The following FAM124A variants were observed in gnomAD, a reference collection of about 807,000 sequenced individuals.
FAM124A encodes the protein protein FAM124A.
In FAM124A, 23 loss-of-function variants were observed where a neutral mutation model predicts 24.5. The observed-to-expected ratio is 0.94, with a 90% CI of 0.68 to 1.33. The LOEUF (loss-of-function observed/expected upper bound fraction) is 1.33, where lower values mean the gene tolerates loss of function less well. Among genes scored for constraint, FAM124A ranks in the 40% most tolerant of loss-of-function variants. The probability of loss-of-function intolerance (pLI) is 0.00; values close to 1 mark genes in which losing one functional copy is unlikely to be tolerated. For missense variants in FAM124A, 623 were observed against 722.8 expected (o/e 0.86, Z 1.58); for synonymous variants, 287 against 314.7 (o/e 0.91, Z 0.93).
At chr13:51,275,494 G>A (rs1387248816) in intron 3 of FAM124A, among the ~76,000 whole-genome samples, 2 of 152,206 alleles carry the variant, frequency 1.3e-5, no homozygotes, top group Non-Finnish European at 2.9e-5. Context: ...GAACAAAAAG[G>A]TAAGCCACAA....
In FAM124A at chr13:51,228,930, G is replaced by A. The variant is rs183511538; in HGVS notation, c.69-2418G>A. ...GTTTTGTAAAGGTGAACAACCAGGA[G>A]CGATCATTTAGCCAACAAAAGGGTT... is the stretch of plus-strand genomic sequence containing the variant. On this transcript the variant is annotated intron_variant, in intron 1 of 3. Coordinates refer to ENST00000322475, the MANE Select transcript of FAM124A (RefSeq NM_001242312.2). Among the ~76,000 whole-genome samples, 107 of 152,294 alleles carry A rather than the reference G, an allele frequency of 7.0e-4. 1 individual carries two copies. The highest frequency in any genetic ancestry group is 1.9e-4 in the East Asian group (1 of 5,190).
At chr13:51,259,049 A>C (rs192379049) in intron 3 of FAM124A, among the ~76,000 whole-genome samples, 1 of 152,138 alleles carries the variant, frequency 6.6e-6, no homozygotes, top group South Asian at 2.1e-4. Flanking sequence ...CTGGTGAGAC[A>C]CTAACTCAGG....
chr13:51,252,001 T>G lies in FAM124A; in HGVS notation c.634T>G (p.Ser212Ala). The stretch of plus-strand genomic sequence containing the variant: ...GGACTTCTGCATCTTCCCTATTTTT[T>G]CCAACCTGGATGTGGACATCCAGTT... ...KADFCIFPIF[S>A]NLDVDIQFSL... Residue 212 changes from serine to alanine, a missense_variant, in exon 3 of 4, where the codon TCC becomes GCC. Physicochemically the swap from Ser to Ala is moderately conservative, Grantham distance 99. Coordinates refer to ENST00000322475, the MANE Select transcript of FAM124A (RefSeq NM_001242312.2). The G allele has an allele frequency of 6.2e-7, 1 of 1,614,206 alleles. No individual in the cohort carries two copies. Among genetic ancestry groups the G allele is most frequent in the Non-Finnish European group, 8.5e-7 (1 of 1,180,038 alleles).
intron 2 of FAM124A, among the ~76,000 whole-genome samples, chr13:51,236,374 C>T (rs1391794350): frequency 6.6e-6 from 1 of 152,246 alleles, no homozygotes; most frequent in African/African-American, 2.4e-5. Flanking sequence ...ATAAATGCTG[C>T]CTTCTCCCTT....
chr13:51,257,845 C>T (rs1954691191), intron 3 of FAM124A, among the ~76,000 whole-genome samples: 2 of 152,216 alleles, frequency 1.3e-5, no homozygotes, highest in Admixed American at 6.5e-5. Flanking sequence ...TTCCCCAATC[C>T]TCAGCGCTCT....
chr13:51,239,342 G>T (rs1348315578), intron 2 of FAM124A, among the ~76,000 whole-genome samples: 1 of 152,184 alleles, frequency 6.6e-6, no homozygotes, highest in Admixed American at 6.5e-5. Context: ...GCCTTTGTAG[G>T]ATTTTTTTCT....
At chr13:51,246,745 G>C (rs760185801) in intron 2 of FAM124A, among the ~76,000 whole-genome samples, 2 of 152,220 alleles carry the variant, frequency 1.3e-5, no homozygotes, top group Non-Finnish European at 2.9e-5. Flanking sequence ...CTGCAGAGCT[G>C]TAAACATTCA....
intron 3 of FAM124A, among the ~76,000 whole-genome samples, chr13:51,275,444 T>C (rs1053753473): frequency 1.1e-4 from 16 of 152,064 alleles, no homozygotes; most frequent in Admixed American, 1.0e-3. Flanking sequence ...GATAAATGAC[T>C]TTAAAAAGAA....
chr13:51,222,725 C>G (rs1157749974), intron 1 of FAM124A, among the ~76,000 whole-genome samples, 156 bp downstream of exon 1: 1 of 152,106 alleles, frequency 6.6e-6, no homozygotes, highest in Non-Finnish European at 1.5e-5. Flanking sequence ...GCGGGCCGCG[C>G]TGCCCTGGGC....
intron 2 of FAM124A, among the ~76,000 whole-genome samples, chr13:51,233,822 AAAT>A (rs1249858624): frequency 1.3e-5 from 2 of 152,246 alleles, no homozygotes; most frequent in African/African-American, 4.8e-5. Context: ...TAGATTTTTA[AAAT>A]AATGTTTCCC....
At chr13:51,244,246 T>C (rs1015155967) in intron 2 of FAM124A, among the ~76,000 whole-genome samples, 1 of 152,150 alleles carries the variant, frequency 6.6e-6, no homozygotes. Context: ...TGAGCATGTG[T>C]GTGTTCAGTG....
chr13:51,264,022 G>A (rs1398343348), intron 3 of FAM124A, among the ~76,000 whole-genome samples: 3 of 152,090 alleles, frequency 2.0e-5, no homozygotes, highest in Non-Finnish European at 4.4e-5. Context: ...ACAGTAAATG[G>A]CCTTCCATTA....
chr13:51,250,572 A>G (rs2137675929), intron 2 of FAM124A, among the ~76,000 whole-genome samples: 1 of 152,332 alleles, frequency 6.6e-6, no homozygotes, highest in African/African-American at 2.4e-5. Context: ...CAACAGTTTC[A>G]GGTGTTCCGC....
rs1468080570 is a variant in FAM124A at position 51,272,468 on chromosome 13, G to C, written c.835-7982G>C. On this transcript the variant is annotated intron_variant, in intron 3 of 3. Coordinates refer to ENST00000322475, the MANE Select transcript of FAM124A (RefSeq NM_001242312.2). The surrounding 1 kb of genome is among the most constrained non-coding windows in gnomAD (Gnocchi z 4.2). ...CCTAGATGAGAGAGTGGAAAAATTGGTTTAGAAGTTTGTACAGAAAGCAAT... is the reference window on the plus strand; with the variant it reads ...CCTAGATGAGAGAGTGGAAAAATTGCTTTAGAAGTTTGTACAGAAAGCAAT... Among the ~76,000 whole-genome samples, 2 of 152,016 alleles carry C rather than the reference G, an allele frequency of 1.3e-5. No individual in the cohort carries two copies. Among genetic ancestry groups the C allele is most frequent in the Admixed American group, 1.3e-4 (2 of 15,262 alleles).
rs1446094414 is a variant in FAM124A at position 51,281,060 on chromosome 13, T to C, written c.1445T>C (p.Phe482Ser). 3 of 1,613,986 alleles carry C rather than the reference T, an allele frequency of 1.9e-6. No homozygotes were observed. The South Asian group carries it at 3.3e-5, about 18-fold the overall frequency. Residue 482 changes from phenylalanine (F) to serine (S), a missense_variant, in exon 4 of 4, where the codon TTC (phenylalanine) becomes TCC (serine). By Grantham distance (155) the Phe-to-Ser change is radical. Coordinates refer to ENST00000322475, the MANE Select transcript of FAM124A (RefSeq NM_001242312.2). ...GAGGCCTCCTGGGCTTCCCTCCCTT[T>C]CTTCACCAAAAGGTCTTCCAGCTCC... The part of the protein sequence containing the change: ...TTEASWASLP[F>S]FTKRSSSSSA...
At chr13:51,227,121 A>C (rs1954322650) in intron 1 of FAM124A, 1 of 152,246 alleles carries the variant, frequency 6.6e-6, no homozygotes, top group Non-Finnish European at 1.5e-5. Context: ...ACTCAAGACC[A>C]TATGTTTTTC....
chr13:51,232,441 C>T (rs1029093932), intron 2 of FAM124A, among the ~76,000 whole-genome samples: 23 of 152,280 alleles, frequency 1.5e-4, no homozygotes, highest in Non-Finnish European at 2.9e-4. Context: ...TGGAGAGACA[C>T]TTAATTGGAT....
At chr13:51,270,225 C>T (rs1374463867) in intron 3 of FAM124A, among the ~76,000 whole-genome samples, 1 of 152,110 alleles carries the variant, frequency 6.6e-6, no homozygotes, top group Non-Finnish European at 1.5e-5. Context: ...GGCAAATAGC[C>T]CACTGACTAC....
intron 1 of FAM124A, among the ~76,000 whole-genome samples, chr13:51,223,678 A>G (rs1954286673): frequency 6.6e-6 from 1 of 152,188 alleles, no homozygotes; most frequent in Non-Finnish European, 1.5e-5. Flanking sequence ...TCCCTAGGGC[A>G]TTCACCCAGC....
Sources: gnomAD v4.1 joint callset for allele counts (sites outside exome capture counted in the v4.1 genomes callset) on GRCh38, gnomAD v4.1.1 for gene constraint, Gnocchi (gnomAD v3.1) non-coding constraint, MANE v1.5 for transcripts, NCBI Gene and HGNC (gene_info 2026-07-23, HGNC 2026-07-21) for gene names.